PGCKA1: variants seen among roughly 807,000 people sequenced by gnomAD.
The protein encoded by PGCKA1 is PDCD10 and GCKIII kinases-associated protein 1.
chr4:37,545,819 C>A, the PGCKA1 span, among the ~76,000 whole-genome samples: 1 of 152,210 alleles, frequency 6.6e-6, no homozygotes, highest in African/African-American at 2.4e-5. Flanking sequence ...ACTGTTCTTC[C>A]ATTCTGTCAG....
At chr4:37,540,166 C>G in the PGCKA1 span, among the ~76,000 whole-genome samples, 1 of 152,170 alleles carries the variant, frequency 6.6e-6, no homozygotes, top group Non-Finnish European at 1.5e-5. Flanking sequence ...CTTTTTTCCT[C>G]TCTTTTTCCA....
the PGCKA1 span, among the ~76,000 whole-genome samples, chr4:37,531,908 A>AG: frequency 2.0e-5 from 3 of 151,640 alleles, no homozygotes; most frequent in Non-Finnish European, 2.9e-5. Context: ...AAAAAAAAAA[A>AG]AAAAGAATGA....
the PGCKA1 span, among the ~76,000 whole-genome samples, chr4:37,501,817 A>G: frequency 6.6e-6 from 1 of 152,152 alleles, no homozygotes; most frequent in Non-Finnish European, 1.5e-5. Context: ...CATTTGGAGG[A>G]TAGAAGGCAC....
chr4:37,584,574 C>T, the PGCKA1 span, among the ~76,000 whole-genome samples: 19 of 152,028 alleles, frequency 1.2e-4, no homozygotes, highest in African/African-American at 3.6e-4. Context: ...GCCTAAAAGC[C>T]GCAAATGATG....
At chr4:37,551,915 A>G in the PGCKA1 span, among the ~76,000 whole-genome samples, 104 of 152,346 alleles carry the variant, frequency 6.8e-4, no homozygotes, top group African/African-American at 2.4e-3. Context: ...TATTGCACAA[A>G]AAGACATAAG....
chr4:37,471,278 T>G, the PGCKA1 span, among the ~76,000 whole-genome samples: 1 of 152,182 alleles, frequency 6.6e-6, no homozygotes, highest in African/African-American at 2.4e-5. Context: ...TTGAGTATGG[T>G]CTGGTCAGTT....
the PGCKA1 span, among the ~76,000 whole-genome samples, chr4:37,510,470 A>G: frequency 1.3e-5 from 2 of 152,084 alleles, no homozygotes; most frequent in Admixed American, 1.3e-4. Context: ...TACTGGTACC[A>G]CCTTGGTGGC....
the PGCKA1 span, among the ~76,000 whole-genome samples, chr4:37,485,677 C>T: frequency 6.6e-6 from 1 of 152,040 alleles, no homozygotes; most frequent in African/African-American, 2.4e-5. Flanking sequence ...AATCTGCATA[C>T]TGCTTTTTGG....
chr4:37,586,466 G>A, the PGCKA1 span, among the ~76,000 whole-genome samples: 1,385 of 152,262 alleles, frequency 9.1e-3, 4 homozygotes, highest in Non-Finnish European at 0.011. Flanking sequence ...AGAGATGCAC[G>A]GCTGGTCCGA....
At chr4:37,544,796 T>C in the PGCKA1 span, among the ~76,000 whole-genome samples, 3 of 152,138 alleles carry the variant, frequency 2.0e-5, no homozygotes, top group Admixed American at 6.5e-5. Flanking sequence ...TTCTATTCTT[T>C]GTTTCCTCCA....
At chr4:37,580,732 C>G in the PGCKA1 span, among the ~76,000 whole-genome samples, 1 of 152,150 alleles carries the variant, frequency 6.6e-6, no homozygotes, top group Non-Finnish European at 1.5e-5. Context: ...TGGATCTTAC[C>G]CAGGGCCCTC....
the PGCKA1 span, among the ~76,000 whole-genome samples, chr4:37,473,215 G>A: frequency 6.6e-6 from 1 of 151,878 alleles, no homozygotes; most frequent in African/African-American, 2.4e-5. Context: ...TCTAACCATG[G>A]GAAAACTTAA....
chr4:37,574,196 AAAAG>A, the PGCKA1 span, among the ~76,000 whole-genome samples: 1 of 152,184 alleles, frequency 6.6e-6, no homozygotes, highest in Non-Finnish European at 1.5e-5. Flanking sequence ...TCAAAAAAAA[AAAAG>A]AAAAAACTCA....
chr4:37,504,988 G>C, the PGCKA1 span, among the ~76,000 whole-genome samples: 1 of 152,274 alleles, frequency 6.6e-6, no homozygotes, highest in East Asian at 1.9e-4. Context: ...GGGCATCCTT[G>C]TCATGTTCCA....
the PGCKA1 span, among the ~76,000 whole-genome samples, chr4:37,477,264 A>G: frequency 6.6e-6 from 1 of 152,224 alleles, no homozygotes; most frequent in East Asian, 1.9e-4. Context: ...GAACCTTGGA[A>G]ACATCATTCT....
At chr4:37,578,956 G>T in the PGCKA1 span, among the ~76,000 whole-genome samples, 1 of 152,242 alleles carries the variant, frequency 6.6e-6, no homozygotes, top group East Asian at 1.9e-4. Flanking sequence ...TATTCGGGAG[G>T]CTGAGGCAGG....
chr4:37,496,212 G>A, the PGCKA1 span, among the ~76,000 whole-genome samples: 3 of 152,124 alleles, frequency 2.0e-5, no homozygotes, highest in Non-Finnish European at 4.4e-5. Flanking sequence ...GTCCAAAATG[G>A]TATTGCCTAG....
the PGCKA1 span, among the ~76,000 whole-genome samples, chr4:37,532,116 G>A: frequency 2.0e-5 from 3 of 151,936 alleles, no homozygotes; most frequent in African/African-American, 7.3e-5. Flanking sequence ...TTTACACCAT[G>A]GAAATCAGCA....
the PGCKA1 span, among the ~76,000 whole-genome samples, chr4:37,468,742 A>AC: frequency 2.1e-4 from 31 of 145,310 alleles, no homozygotes; most frequent in South Asian, 4.2e-3. Context: ...GACTCTGTAT[A>AC]CCCCCCCACA....
Sources: allele counts gnomAD v4.1 joint callset (sites outside exome capture counted in the v4.1 genomes callset), GRCh38; gene constraint gnomAD v4.1.1; transcripts MANE v1.5; gene names NCBI Gene and HGNC (gene_info 2026-07-23, HGNC 2026-07-21).